Variants in DLGAP3 observed in about 807,000 individuals in gnomAD.
DLGAP3 encodes the protein disks large-associated protein 3.
Under a neutral mutation model 81.2 loss-of-function variants are expected in DLGAP3, and 17 were observed. The observed-to-expected ratio is 0.21, with a 90% CI of 0.14 to 0.31. The LOEUF (loss-of-function observed/expected upper bound fraction) is 0.31. DLGAP3 is among the 10% of genes least tolerant of loss of function. The pLI, the probability that DLGAP3 is intolerant of heterozygous loss-of-function variation, is 1.00. For synonymous variants in DLGAP3, 577 were observed against 587.4 expected (o/e 0.98, Z 0.26); for missense variants, 1,124 against 1,388.0 (o/e 0.81, Z 3.02).
intron 1 of DLGAP3, among the ~76,000 whole-genome samples, chr1:34,921,442 C>G (rs1639795558): frequency 6.6e-6 from 1 of 152,202 alleles, no homozygotes; most frequent in African/African-American, 2.4e-5. Flanking sequence ...CTTTACCAAA[C>G]CTTTCCCTTC....
At position 34,901,870 on chromosome 1, in the gene DLGAP3, G is replaced by A. The variant is rs559434984; in HGVS notation, c.1108-1597C>T. Among the ~76,000 whole-genome samples, 29 of 152,274 alleles carry A rather than the reference G, an allele frequency of 1.9e-4. No individual in the cohort carries two copies. The South Asian group carries it at 5.4e-3, about 28-fold the overall frequency. ...CAGAAATATTTTTTAGGATGCAAGC[G>A]ACTTTGGACATGTTTTCAGAATGAT... On this transcript the variant is annotated intron_variant, in intron 3 of 11. Coordinates refer to ENST00000373347, the MANE Select transcript of DLGAP3 (RefSeq NM_001080418.3).
intron 5 of DLGAP3, among the ~76,000 whole-genome samples, chr1:34,894,309 C>T (rs891143703): frequency 7.0e-6 from 1 of 142,740 alleles, no homozygotes; most frequent in African/African-American, 2.6e-5. Flanking sequence ...AGGAGACATA[C>T]CTTAAATCTG....
In DLGAP3 at chr1:34,904,636, C is replaced by T. The variant is rs1157405180; in HGVS notation, c.748G>A (p.Asp250Asn). ...KRSKSKDRKG[D>N]GRHQAKSTGW... The stretch of plus-strand genomic sequence containing the variant: ...GTGGACTTGGCCTGGTGCCGCCCAT[C>T]CCCCTTGCGGTCCTTGCTCTTGCTC... Residue 250 changes from aspartate to asparagine, a missense_variant, in exon 3 of 12, where the codon GAT (aspartate) becomes AAT (asparagine). Coordinates refer to ENST00000373347, the MANE Select transcript of DLGAP3 (RefSeq NM_001080418.3). This position sits in a 1 kb window ranked among gnomAD's most constrained non-coding sequence, Gnocchi z 8.1. The T allele has an allele frequency of 6.2e-7, 1 of 1,614,082 alleles. No homozygotes were observed. Among genetic ancestry groups the T allele is most frequent in the Non-Finnish European group, 8.5e-7 (1 of 1,180,042 alleles).
Position 34,929,509 on chromosome 1 carries a change from C to G in DLGAP3, c.-193G>C, listed in dbSNP as rs1639924256. On this transcript the variant is annotated 5_prime_UTR_variant, in exon 1 of 12. Transcript: ENST00000373347. This position sits in a 1 kb window ranked among gnomAD's most constrained non-coding sequence, Gnocchi z 6.5. The stretch of plus-strand genomic sequence containing the variant: ...GTGCCGGCGGCCCGGGCCGGGGGCG[C>G]TGCGGCGTTGGGCAGGCGGGCAGGG... 6.7e-6 allele frequency: 1 copy of G among 148,920 alleles called. No homozygotes were observed. Among genetic ancestry groups the G allele is most frequent in the Admixed American group, 6.7e-5 (1 of 15,010 alleles). The allele number at this position is 148,920 out of a possible 1,614,324, so 9.2% of individuals were successfully genotyped here.
At position 34,885,472 on chromosome 1, in the gene DLGAP3, C is replaced by A; in HGVS notation, c.1914+6G>T. 1 of 1,605,918 alleles carries A rather than the reference C, an allele frequency of 6.2e-7. No individual in the cohort carries two copies. The highest frequency in any genetic ancestry group is 1.1e-5 in the South Asian group (1 of 90,896). ...GAGCCCTCGTGGGCGCCTCCCCGTT[C>A]CATACCTGCACCCCAATGGACGGCC... On this transcript the variant is annotated splice_donor_region_variant and intron_variant, in intron 7 of 11. Transcript: ENST00000373347.
intron 1 of DLGAP3, among the ~76,000 whole-genome samples, chr1:34,911,286 C>A (rs1368795805): frequency 6.6e-6 from 1 of 152,148 alleles, no homozygotes; most frequent in African/African-American, 2.4e-5. Flanking sequence ...AGACCTCATC[C>A]ATACATATCT....
At chr1:34,869,915 C>T (rs1273207707) in intron 8 of DLGAP3, among the ~76,000 whole-genome samples, 2 of 152,192 alleles carry the variant, frequency 1.3e-5, no homozygotes, top group African/African-American at 2.4e-5. Flanking sequence ...TTGGACTCAG[C>T]GCTGCTGGGC....
intron 1 of DLGAP3, among the ~76,000 whole-genome samples, chr1:34,909,044 T>C (rs969998059): frequency 2.0e-5 from 3 of 152,202 alleles, no homozygotes; most frequent in Admixed American, 6.5e-5. Context: ...GCAGGACCCA[T>C]ATCTGAGACT....
At chr1:34,913,573 T>G (rs1346916376) in intron 1 of DLGAP3, among the ~76,000 whole-genome samples, 3 of 152,194 alleles carry the variant, frequency 2.0e-5, no homozygotes, top group Non-Finnish European at 4.4e-5. Context: ...TGAAATTATT[T>G]TCTTTGTCTA....
intron 1 of DLGAP3, among the ~76,000 whole-genome samples, chr1:34,919,350 G>A (rs1363814165): frequency 1.3e-5 from 2 of 152,188 alleles, no homozygotes; most frequent in African/African-American, 4.8e-5. Flanking sequence ...TTTCTTAGCA[G>A]CTGTCCTCCC....
At chr1:34,918,234 A>G (rs1639746379) in intron 1 of DLGAP3, among the ~76,000 whole-genome samples, 1 of 152,196 alleles carries the variant, frequency 6.6e-6, no homozygotes, top group South Asian at 2.1e-4. Flanking sequence ...ATCCACTGAC[A>G]CAGGGAGAGA....
rs944920 is a variant in DLGAP3 at position 34,915,691 on chromosome 1, C to T, written c.-134-8254G>A. Among the ~76,000 whole-genome samples the T allele has an allele frequency of 8.1e-3, 1,227 of 152,324 alleles. 21 individuals carry two copies. Among genetic ancestry groups the T allele is most frequent in the African/African-American group, 0.029 (1,188 of 41,570 alleles). ...GCTGGTTGGCTGACTGCCAGGTTCA[C>T]GTCGTGGCACCTCCCACCCCTCAGC... On this transcript the variant is annotated intron_variant, in intron 1 of 11. Transcript: ENST00000373347.
intron 8 of DLGAP3, among the ~76,000 whole-genome samples, chr1:34,882,727 C>T (rs1639164166): frequency 7.6e-6 from 1 of 132,050 alleles, no homozygotes; most frequent in African/African-American, 2.7e-5. Flanking sequence ...TAAGTTAGAT[C>T]ATGTTGCACT....
intron 11 of DLGAP3, 34 bp from the exon 12 acceptor site, chr1:34,866,335 C>T (rs753847027): frequency 6.8e-7 from 1 of 1,471,132 alleles, no homozygotes; most frequent in South Asian, 1.3e-5. Context: ...AGCTGGGGCG[C>T]CGAACCATCC....
At chr1:34,875,190 G>A (rs943647590) in intron 8 of DLGAP3, among the ~76,000 whole-genome samples, 7 of 152,112 alleles carry the variant, frequency 4.6e-5, no homozygotes, top group Non-Finnish European at 1.0e-4. Context: ...GGCCTCAAGG[G>A]GCCATTCTTT....
rs768153608 is a variant in DLGAP3, at chr1:34,868,727, G to A, written c.2363C>T (p.Ala788Val). 2.5e-6 allele frequency: 4 copies of A among 1,609,836 alleles called. No individual in the cohort carries two copies. The highest frequency in any genetic ancestry group is 3.4e-6 in the Non-Finnish European group (4 of 1,179,974). ...GSRSLPDSGR[A>V]SPCPRDGEWF... is the part of the protein sequence containing the mutation. Reference sequence around the variant, plus strand: ...CTCGCCGTCGCGTGGGCAGGGGGATGCGCGGCCTGAGTCGGGGAGGCTACG... The same window carrying A: ...CTCGCCGTCGCGTGGGCAGGGGGATACGCGGCCTGAGTCGGGGAGGCTACG... Residue 788 changes from alanine (A) to valine (V), a missense_variant, in exon 9 of 12, where the codon GCA (alanine) becomes GTA (valine). This residue lies in a region of DLGAP3 where 379 missense variants were observed against 455.7 expected (regional missense o/e 0.83). Coordinates refer to ENST00000373347, the MANE Select transcript of DLGAP3 (RefSeq NM_001080418.3). The surrounding 1 kb of genome is among the most constrained non-coding windows in gnomAD (Gnocchi z 7.5).
rs144073496 is a variant in DLGAP3 at position 34,902,846 on chromosome 1, C to T, written c.1107+1431G>A. On this transcript the variant is annotated intron_variant, in intron 3 of 11. Coordinates refer to ENST00000373347, the MANE Select transcript of DLGAP3 (RefSeq NM_001080418.3). The surrounding 1 kb of genome is among the most constrained non-coding windows in gnomAD (Gnocchi z 4.4). ...GCCCTGAAGCAGCAGCAGGGAGCAG[C>T]GAAATGGCAACAAGTCTTCAGGGAT... is the stretch of plus-strand genomic sequence containing the variant. Among the ~76,000 whole-genome samples the T allele has an allele frequency of 6.8e-4, 103 of 152,168 alleles. 2 individuals are homozygous for T. The highest frequency in any genetic ancestry group is 2.4e-3 in the African/African-American group (99 of 41,516).
rs1256238730 is a variant in DLGAP3, at chr1:34,905,329, C to G, written c.55G>C (p.Asp19His). 7.0e-6 allele frequency: 11 copies of G among 1,561,138 alleles called. No homozygotes were observed. The highest frequency in any genetic ancestry group is 1.7e-4 in the Middle Eastern group (1 of 5,734). ...GSHPRPARFA[D>H]QQHMDVGPAA... ...GGGCCCACGTCCATATGCTGTTGGTCAGCAAAGCGGGCTGGGCGGGGATGG... is the reference window on the plus strand; with the variant it reads ...GGGCCCACGTCCATATGCTGTTGGTGAGCAAAGCGGGCTGGGCGGGGATGG... Residue 19 changes from aspartate to histidine, a missense_variant, in exon 3 of 12, where the codon GAC becomes CAC. Around this residue, in one of 9 missense-constraint regions of DLGAP3, gnomAD observed 167 missense variants for 172.1 expected, o/e 0.97. Transcript: ENST00000373347.
intron 2 of DLGAP3, among the ~76,000 whole-genome samples, chr1:34,906,841 G>A (rs1276131562): frequency 1.3e-5 from 2 of 152,220 alleles, no homozygotes; most frequent in Admixed American, 6.5e-5. Flanking sequence ...AGAGAGGTCA[G>A]CTCTCAGCAA....
Sources: allele counts gnomAD v4.1 joint callset (sites outside exome capture counted in the v4.1 genomes callset), GRCh38; gene constraint gnomAD v4.1.1; regional missense constraint gnomAD v4.1.1; non-coding constraint Gnocchi (gnomAD v3.1); transcripts MANE v1.5; gene names NCBI Gene and HGNC (gene_info 2026-07-23, HGNC 2026-07-21).